The following GBP3 variants were observed in gnomAD, a reference collection of about 807,000 sequenced individuals.
The protein encoded by GBP3 is guanylate-binding protein 3.
In GBP3, 55 loss-of-function variants were observed where a neutral mutation model predicts 62.4. The observed-to-expected ratio is 0.88, with a 90% confidence interval of 0.71 to 1.10. The LOEUF is 1.10. Among genes scored for constraint, GBP3 ranks in the 50% least tolerant of loss-of-function variants. GBP3 has a pLI of 0.00. For missense variants in GBP3, 605 were observed against 690.6 expected (o/e 0.88, Z 1.39); for synonymous variants, 208 against 259.2 (o/e 0.80, Z 1.90).
At position 89,015,406 on chromosome 1, in the gene GBP3, G is replaced by A. The variant is rs752566632; in HGVS notation, c.199C>T (p.Leu67=). 6.2e-7 allele frequency: 1 copy of A among 1,613,018 alleles called. No homozygotes were observed. The highest frequency in any genetic ancestry group is 1.7e-5 in the Admixed American group (1 of 59,794). Residue 67 remains leucine (L), a synonymous_variant, in exon 3 of 11, where the codon CTG becomes TTG. Transcript: ENST00000370481. Reference sequence around the variant, plus strand: ...GTGTGAGATTTCACTGTGGAGCCCAGAGAGAAGCCTGTAAAGGAGAGATGG... The same window carrying A: ...GTGTGAGATTTCACTGTGGAGCCCAAAGAGAAGCCTGTAAAGGAGAGATGG... ...KLAGKNKGFS[L]GSTVKSHTKG... is the part of the protein sequence containing the mutation.
chr1:89,021,510 G>GCACACACACACACACACA (rs1553178198), intron 1 of GBP3, among the ~76,000 whole-genome samples: 16 of 131,738 alleles, frequency 1.2e-4, no homozygotes, highest in African/African-American at 4.2e-4. Context: ...GCGCGCGCGC[G>GCACACACACACACACACA]CACACACACA....
At position 89,011,919 on chromosome 1, in the gene GBP3, A is replaced by C. The variant is rs1442847662; in HGVS notation, c.977T>G (p.Val326Gly). Residue 326 changes from valine (V) to glycine (G), a missense_variant, in exon 7 of 11, where the codon GTG becomes GGG. Coordinates refer to ENST00000370481, the MANE Select transcript of GBP3 (RefSeq NM_018284.3). ...ALAQIENSAAVQKAIAHYDQQ... is the reference protein window; with the variant it reads ...ALAQIENSAAGQKAIAHYDQQ... ...GTCATAGTGGGCAATAGCCTTTTGCACTGCGGCTGAGTTCTCTATCTGGGC... is the reference window on the plus strand; with the variant it reads ...GTCATAGTGGGCAATAGCCTTTTGCCCTGCGGCTGAGTTCTCTATCTGGGC... 6.8e-7 allele frequency: 1 copy of C among 1,462,356 alleles called. No individual in the cohort carries two copies. Among genetic ancestry groups the C allele is most frequent in the Non-Finnish European group, 9.5e-7 (1 of 1,055,280 alleles). 90.6% of individuals were successfully genotyped at this position (1,462,356 alleles called of 1,614,324 possible). A position where few individuals can be genotyped will look rare whatever the true frequency, so the allele number is the denominator to read the frequency against.
chr1:89,018,929 A>G (rs1286461343), intron 2 of GBP3, among the ~76,000 whole-genome samples: 1 of 152,234 alleles, frequency 6.6e-6, no homozygotes, highest in Admixed American at 6.5e-5. Flanking sequence ...GCCCCGTTGC[A>G]TTGCAGGCTG....
Position 89,010,909 on chromosome 1 carries a change from T to C in GBP3, c.1357A>G (p.Ile453Val). The part of the protein sequence containing the change: ...KKYYEEPRKG[I>V]QAEEILQTYL... ...GACAGATGAATCTTGGTTACCTGTA[T>C]CCCCTTCCTTGGTTCCTCATAGTAC... is the stretch of plus-strand genomic sequence containing the variant. Residue 453 changes from isoleucine (I) to valine (V), a missense_variant, in exon 8 of 11, where the codon ATA becomes GTA. By Grantham distance (29) the Ile-to-Val change is conservative. Around this residue, in one of 3 missense-constraint regions of GBP3, gnomAD observed 137 missense variants for 224.7 expected, o/e 0.61. Coordinates refer to ENST00000370481, the MANE Select transcript of GBP3 (RefSeq NM_018284.3). 1 of 1,461,924 alleles carries C rather than the reference T, an allele frequency of 6.8e-7. No individual in the cohort carries two copies. Among genetic ancestry groups the C allele is most frequent in the Non-Finnish European group, 9.5e-7 (1 of 1,055,094 alleles). The allele number at this position is 1,461,924 out of a possible 1,614,324, so 90.6% of individuals were successfully genotyped here.
chr1:89,009,160 AT>A lies in GBP3; in HGVS notation c.1466-21del, dbSNP rs781225133. The A allele has an allele frequency of 1.2e-6, 2 of 1,610,634 alleles. No homozygotes were observed. The highest frequency in any genetic ancestry group is 4.5e-5 in the East Asian group (2 of 44,862). On this transcript the variant is annotated intron_variant, in intron 9 of 10. Transcript: ENST00000370481. ...ATTCCACTGTGGAGGAAGAAGAAAC[AT>A]TTGTGTGGAGTTATCTTGTTGCCTC...
At chr1:89,019,514 C>T (rs1392612612) in intron 2 of GBP3, among the ~76,000 whole-genome samples, 1 of 152,136 alleles carries the variant, frequency 6.6e-6, no homozygotes. Context: ...TCTTGAACTC[C>T]CGACCTCAGG....
chr1:89,009,142 T>C lies in GBP3; in HGVS notation c.1466-2A>G, dbSNP rs1293349816. On this transcript the variant is annotated splice_acceptor_variant, in intron 9 of 10. Coordinates refer to ENST00000370481, the MANE Select transcript of GBP3 (RefSeq NM_018284.3). LOFTEE classifies it high-confidence loss of function. ...CAGATTCAGCTTTTACACATTCCAC[T>C]GTGGAGGAAGAAGAAACATTTGTGT... is the stretch of plus-strand genomic sequence containing the variant. 5.0e-6 allele frequency: 8 copies of C among 1,613,134 alleles called. No individual in the cohort carries two copies. The highest frequency in any genetic ancestry group is 5.1e-6 in the Non-Finnish European group (6 of 1,179,370).
At chr1:89,009,667 ATGACC>A (rs1678446602) in intron 8 of GBP3, among the ~76,000 whole-genome samples, 173 bp from the exon 9 acceptor site, 1 of 152,192 alleles carries the variant, frequency 6.6e-6, no homozygotes, top group Admixed American at 6.5e-5. Context: ...GGCCAATCAG[ATGACC>A]CTACTTAGCA....
chr1:89,016,369 A>G (rs963082473), intron 2 of GBP3, among the ~76,000 whole-genome samples: 1 of 151,910 alleles, frequency 6.6e-6, no homozygotes, highest in Non-Finnish European at 1.5e-5. Flanking sequence ...CACACACAAA[A>G]TTAGCTGGGT....
intron 5 of GBP3, 80 bp from the exon 6 acceptor site, chr1:89,013,507 A>G (rs1678707866): frequency 7.1e-7 from 1 of 1,416,662 alleles, no homozygotes; most frequent in Admixed American, 2.2e-5. Context: ...TAGGCTCTGC[A>G]GGCTAGGTGG....
chr1:89,014,164 C>A lies in GBP3; in HGVS notation c.544G>T (p.Asp182Tyr). ...TCTGCTTCCAAGTCCAGGGAGAAATCTCTCAGTGTCCACACAAAATCTGGG... is the reference window on the plus strand; with the variant it reads ...TCTGCTTCCAAGTCCAGGGAGAAATATCTCAGTGTCCACACAAAATCTGGG... Reference protein sequence around the residue: ...FFPDFVWTLRDFSLDLEADGQ... With the variant: ...FFPDFVWTLRYFSLDLEADGQ... The change falls in exon 5 of 11, where the codon GAT (aspartate) becomes TAT (tyrosine). Residue 182 changes from aspartate (D) to tyrosine (Y), a missense_variant. Physicochemically the swap from Asp to Tyr is radical, Grantham distance 160. Coordinates refer to ENST00000370481, the MANE Select transcript of GBP3 (RefSeq NM_018284.3). 5 of 1,614,202 alleles carry A rather than the reference C, an allele frequency of 3.1e-6. No homozygotes were observed. The highest frequency in any genetic ancestry group is 4.2e-6 in the Non-Finnish European group (5 of 1,180,026).
chr1:89,009,604 T>C, intron 8 of GBP3, 110 bp from the exon 9 acceptor site: 1 of 1,486,982 alleles, frequency 6.7e-7, no homozygotes, highest in Admixed American at 2.1e-5. Context: ...TTGGCCCTGG[T>C]GTGCCTGGTG....
chr1:89,018,924 G>A (rs562370195), intron 2 of GBP3, among the ~76,000 whole-genome samples: 1 of 152,316 alleles, frequency 6.6e-6, no homozygotes, highest in East Asian at 1.9e-4. Context: ...AGAGAGCCCC[G>A]TTGCATTGCA....
rs1678241001 is a variant in GBP3 at position 89,006,799 on chromosome 1, G to A, written c.*925C>T. On this transcript the variant is annotated 3_prime_UTR_variant, in exon 11 of 11. Coordinates refer to ENST00000370481, the MANE Select transcript of GBP3 (RefSeq NM_018284.3). ...ATGAAGTCTACATATACTAAGTAATGGCAAGACAATTATTTTATTGCTCAA... is the reference window on the plus strand; with the variant it reads ...ATGAAGTCTACATATACTAAGTAATAGCAAGACAATTATTTTATTGCTCAA... 1 of 152,148 alleles carries A rather than the reference G, an allele frequency of 6.6e-6. No individual in the cohort carries two copies. The highest frequency in any genetic ancestry group is 1.5e-5 in the Non-Finnish European group (1 of 68,036). 9.4% of individuals were successfully genotyped at this position (152,148 alleles called of 1,614,324 possible).
chr1:89,009,597 G>A, intron 8 of GBP3, 103 bp from the exon 9 acceptor site: 1 of 1,513,430 alleles, frequency 6.6e-7, no homozygotes, highest in Non-Finnish European at 9.0e-7. Flanking sequence ...CTTCCTCTTG[G>A]CCCTGGTGTG....
chr1:89,015,520 A>C (rs1284279365), intron 2 of GBP3, 106 bp from the exon 3 acceptor site: 1 of 1,022,468 alleles, frequency 9.8e-7, no homozygotes, highest in East Asian at 2.5e-5. Flanking sequence ...AGATAACCAA[A>C]ACCACAATCA....
chr1:89,021,834 A>AT (rs1679250090), intron 1 of GBP3, among the ~76,000 whole-genome samples: 2 of 146,422 alleles, frequency 1.4e-5, no homozygotes, highest in South Asian at 4.4e-4. Context: ...AGAGAGAGAA[A>AT]GTGCCAGCAA....
At position 89,008,981 on chromosome 1, in the gene GBP3, T is replaced by C. The variant is rs750919160; in HGVS notation, c.1625A>G (p.Glu542Gly). The change falls in exon 10 of 11, where the codon GAA (glutamate) becomes GGA (glycine). Residue 542 changes from glutamate (E) to glycine (G), a missense_variant. Around this residue, in one of 3 missense-constraint regions of GBP3, gnomAD observed 160 missense variants for 147.8 expected, o/e 1.08. Transcript: ENST00000370481. The stretch of plus-strand genomic sequence containing the variant: ...ACTAGTGAGGGTCTTCTCTTGCTCT[T>C]CCAGCAACTGGGCCCTCTCCCTCTC... ...KMERERAQLL[E>G]EQEKTLTSKL... 3.1e-6 allele frequency: 5 copies of C among 1,614,168 alleles called. No individual in the cohort carries two copies. In the South Asian group the frequency reaches 5.5e-5, roughly 18 times the overall value.
At chr1:89,008,676 A>G (rs907351444) in intron 10 of GBP3, among the ~76,000 whole-genome samples, 1 of 152,002 alleles carries the variant, frequency 6.6e-6, no homozygotes, top group Non-Finnish European at 1.5e-5. Flanking sequence ...AGAGATATAG[A>G]TAAGGCATTT....
Sources: allele counts gnomAD v4.1 joint callset (sites outside exome capture counted in the v4.1 genomes callset), GRCh38; gene constraint gnomAD v4.1.1; regional missense constraint gnomAD v4.1.1; transcripts MANE v1.5; gene names NCBI Gene and HGNC (gene_info 2026-07-23, HGNC 2026-07-21).